Variants in FAM107B observed in about 807,000 individuals in gnomAD.
FAM107B encodes protein FAM107B.
In FAM107B, 21 loss-of-function variants were observed where a neutral mutation model predicts 31.5. The observed-to-expected ratio is 0.67, with a 90% CI of 0.47 to 0.96. The LOEUF is 0.96. FAM107B is among the 40% of genes least tolerant of loss of function. FAM107B has a pLI of 0.00. For synonymous variants in FAM107B, 157 were observed against 141.5 expected (o/e 1.11, Z -0.78); for missense variants, 452 against 377.1 (o/e 1.20, Z -1.64).
At chr10:14,711,825 G>T (rs1301035526) in intron 1 of FAM107B, among the ~76,000 whole-genome samples, 1 of 152,148 alleles carries the variant, frequency 6.6e-6, no homozygotes, top group East Asian at 1.9e-4. Flanking sequence ...TGTATTTTTA[G>T]TAGAGACAGG....
chr10:14,743,726 T>C (rs1832669653), intron 1 of FAM107B, among the ~76,000 whole-genome samples: 1 of 152,240 alleles, frequency 6.6e-6, no homozygotes, highest in African/African-American at 2.4e-5. Context: ...TCTGTTTTTG[T>C]ACCAGTACCA....
chr10:14,735,130 A>G (rs1176801105), intron 1 of FAM107B, among the ~76,000 whole-genome samples: 3 of 152,228 alleles, frequency 2.0e-5, no homozygotes, highest in African/African-American at 7.2e-5. Flanking sequence ...AGCGGATAAA[A>G]TAAGCAGAAT....
intron 2 of FAM107B, among the ~76,000 whole-genome samples, chr10:14,599,443 C>T (rs977277624): frequency 3.9e-5 from 6 of 152,208 alleles, no homozygotes; most frequent in African/African-American, 1.4e-4. Context: ...ATGTGACTTA[C>T]ACACGCCCCC....
At chr10:14,651,836 A>G (rs758366451) in intron 2 of FAM107B, among the ~76,000 whole-genome samples, 13 of 152,202 alleles carry the variant, frequency 8.5e-5, no homozygotes, top group Non-Finnish European at 1.6e-4. Flanking sequence ...TTAGGAGATG[A>G]TGAAAATGGT....
intron 2 of FAM107B, among the ~76,000 whole-genome samples, chr10:14,650,319 G>A (rs1304272833): frequency 6.6e-6 from 1 of 151,730 alleles, no homozygotes; most frequent in Middle Eastern, 3.4e-3. Flanking sequence ...TTGAGATGGA[G>A]TCTTGCTCTG....
chr10:14,531,915 A>C (rs529518609), intron 2 of FAM107B, among the ~76,000 whole-genome samples: 71 of 152,332 alleles, frequency 4.7e-4, no homozygotes, highest in Admixed American at 8.5e-4. Context: ...ACCCATTCTC[A>C]GTCTACACTG....
In FAM107B at chr10:14,767,081, GAGAGAGAGAGAGAGAGAGAC is replaced by G. The variant is rs1459789032; in HGVS notation, c.411+7152_411+7171del. On this transcript the variant is annotated intron_variant, in intron 1 of 4. Transcript: ENST00000181796. ...AGAGAGAGAGAGAGAGAGAGAGAGAGAGAGAGAGAGAGAGAGAGACAGAGAGAGAGAGAGAGAGAGTTTCC... is the reference window on the plus strand; with the variant it reads ...AGAGAGAGAGAGAGAGAGAGAGAGAGAGAGAGAGAGAGAGAGAGAGTTTCC... Among the ~76,000 whole-genome samples the G allele has an allele frequency of 8.6e-4, 88 of 102,598 alleles. 1 individual carries two copies. Among genetic ancestry groups the G allele is most frequent in the African/African-American group, 3.2e-3 (78 of 24,190 alleles). 67.3% of individuals were successfully genotyped at this position (102,598 alleles called of 152,430 possible).
chr10:14,530,421 T>C lies in FAM107B; in HGVS notation c.564A>G (p.Glu188=). The C allele has an allele frequency of 6.2e-7, 1 of 1,614,046 alleles. No individual in the cohort carries two copies. The highest frequency in any genetic ancestry group is 8.5e-7 in the Non-Finnish European group (1 of 1,179,996). The change falls in exon 3 of 5, where the codon GAA becomes GAG. Residue 188 remains glutamate (E), a synonymous_variant. Coordinates refer to ENST00000181796, the MANE Select transcript of FAM107B (RefSeq NM_031453.4). ...EPDYIEDDNP[E]LIRPQKLINP... Reference sequence around the variant, plus strand: ...TGATCAGTTTCTGAGGCCTAATGAGTTCAGGATTGTCATCTTCTATGTAGT... The same window carrying C: ...TGATCAGTTTCTGAGGCCTAATGAGCTCAGGATTGTCATCTTCTATGTAGT...
intron 2 of FAM107B, among the ~76,000 whole-genome samples, chr10:14,595,064 CAGACA>C (rs751653562): frequency 6.7e-5 from 10 of 149,850 alleles, no homozygotes; most frequent in African/African-American, 2.0e-4. Flanking sequence ...CAAAACGCTA[CAGACA>C]AGAGAAAAGA....
At chr10:14,538,863 G>A (rs926611577) in intron 2 of FAM107B, among the ~76,000 whole-genome samples, 1 of 152,208 alleles carries the variant, frequency 6.6e-6, no homozygotes, top group Non-Finnish European at 1.5e-5. Flanking sequence ...TCTTGAATTA[G>A]AATCCCTGGT....
At chr10:14,620,017 C>CTTTTTTTTTTT (rs71388190) in intron 2 of FAM107B, among the ~76,000 whole-genome samples, 2 of 83,884 alleles carry the variant, frequency 2.4e-5, no homozygotes, top group Non-Finnish European at 4.8e-5. Context: ...TTCTTTCTTT[C>CTTTTTTTTTTT]TTTTTTTTTT....
intron 2 of FAM107B, among the ~76,000 whole-genome samples, chr10:14,663,887 CAAAAAAAAA>C (rs3035297): frequency 1.4e-4 from 11 of 80,378 alleles, no homozygotes; most frequent in African/African-American, 4.6e-4. Context: ...GATCATCAGC[CAAAAAAAAA>C]AAAAAAAAAA....
intron 1 of FAM107B, among the ~76,000 whole-genome samples, chr10:14,734,562 T>C (rs1307569274): frequency 1.3e-5 from 2 of 151,582 alleles, no homozygotes; most frequent in Non-Finnish European, 2.9e-5. Flanking sequence ...GATAATTCCT[T>C]TTCTTCTAAT....
At chr10:14,742,986 T>C (rs976909861) in intron 1 of FAM107B, among the ~76,000 whole-genome samples, 2 of 152,174 alleles carry the variant, frequency 1.3e-5, no homozygotes, top group African/African-American at 4.8e-5. Flanking sequence ...TACTTCCTCT[T>C]TGAGTTCTCT....
intron 2 of FAM107B, among the ~76,000 whole-genome samples, chr10:14,596,521 TATAAG>T (rs1445943260): frequency 6.6e-5 from 10 of 152,116 alleles, no homozygotes; most frequent in Admixed American, 6.5e-4. Flanking sequence ...CCTGGTCACA[TATAAG>T]ATGATTAAAA....
rs1267158561 is a variant in FAM107B at position 14,649,478 on chromosome 10, T to G, written c.469+18156A>C. 5.3e-5 allele frequency among the ~76,000 whole-genome samples: 8 copies of G among 152,228 alleles called. No homozygotes were observed. The East Asian group carries it at 1.5e-3, about 29-fold the overall frequency. On this transcript the variant is annotated intron_variant, in intron 2 of 4. Coordinates refer to ENST00000181796, the MANE Select transcript of FAM107B (RefSeq NM_031453.4). ...TCTAGTCTCTCTGAAGCCTGCTATCTGGAGGCTTCATCTACATAATAAGAA... is the reference window on the plus strand; with the variant it reads ...TCTAGTCTCTCTGAAGCCTGCTATCGGGAGGCTTCATCTACATAATAAGAA...
At chr10:14,568,119 G>C (rs911812776) in intron 2 of FAM107B, among the ~76,000 whole-genome samples, 1 of 152,226 alleles carries the variant, frequency 6.6e-6, no homozygotes, top group African/African-American at 2.4e-5. Flanking sequence ...CTAGCACTGA[G>C]GGTAGAGGAC....
At chr10:14,686,446 CA>C (rs1414848186) in intron 1 of FAM107B, among the ~76,000 whole-genome samples, 1 of 151,664 alleles carries the variant, frequency 6.6e-6, no homozygotes, top group Non-Finnish European at 1.5e-5. Flanking sequence ...GGGACACAGC[CA>C]AACCCTATCA....
chr10:14,554,450 G>A (rs1015526820), intron 2 of FAM107B, among the ~76,000 whole-genome samples: 1 of 152,192 alleles, frequency 6.6e-6, no homozygotes, highest in African/African-American at 2.4e-5. Context: ...AGAACCATTA[G>A]ATTAAACTTA....
Sources: allele counts gnomAD v4.1 joint callset (sites outside exome capture counted in the v4.1 genomes callset), GRCh38; gene constraint gnomAD v4.1.1; transcripts MANE v1.5; gene names NCBI Gene and HGNC (gene_info 2026-07-23, HGNC 2026-07-21).